Variants in QTMAN observed in about 807,000 individuals in gnomAD.
QTMAN encodes queuosine-tRNA mannosyltransferase.
the QTMAN span, among the ~76,000 whole-genome samples, chr2:144,216,321 G>A: frequency 6.6e-6 from 1 of 152,256 alleles, no homozygotes; most frequent in East Asian, 1.9e-4. Context: ...ATGCAGCTGT[G>A]AAAATCTGAA....
chr2:144,297,852 T>A, the QTMAN span, among the ~76,000 whole-genome samples: 1 of 151,218 alleles, frequency 6.6e-6, no homozygotes, highest in East Asian at 2.0e-4. Context: ...AGTGCTGGGA[T>A]TACAGGTGTG....
chr2:144,178,962 T>C, the QTMAN span: 3 of 469,560 alleles, frequency 6.4e-6, no homozygotes, highest in Admixed American at 4.7e-5. Flanking sequence ...TCTGATTGCC[T>C]GGTAAAAACG....
chr2:144,271,086 T>C, the QTMAN span, among the ~76,000 whole-genome samples: 1 of 152,228 alleles, frequency 6.6e-6, no homozygotes, highest in Admixed American at 6.5e-5. Context: ...ATTAGTTTTT[T>C]CCCCCAGTAA....
the QTMAN span, among the ~76,000 whole-genome samples, chr2:143,979,035 T>C: frequency 6.6e-6 from 1 of 152,326 alleles, no homozygotes; most frequent in Middle Eastern, 3.4e-3. Flanking sequence ...TAGAAAGATG[T>C]ATAATTCTTA....
chr2:143,981,342 T>C, the QTMAN span, among the ~76,000 whole-genome samples: 1 of 152,180 alleles, frequency 6.6e-6, no homozygotes, highest in Non-Finnish European at 1.5e-5. Flanking sequence ...ACCATGTTTT[T>C]TTTTTTCTTA....
the QTMAN span, among the ~76,000 whole-genome samples, chr2:144,231,890 G>C: frequency 7.4e-6 from 1 of 134,694 alleles, no homozygotes; most frequent in Non-Finnish European, 1.6e-5. Flanking sequence ...GTGTGTGTGT[G>C]TGTTATCTTT....
chr2:144,145,926 A>G, the QTMAN span: 1 of 212,488 alleles, frequency 4.7e-6, no homozygotes, highest in Non-Finnish European at 9.3e-6. Flanking sequence ...GCAGCTGCTT[A>G]GAACTATAAA....
chr2:144,246,505 G>A, the QTMAN span, among the ~76,000 whole-genome samples: 1 of 149,180 alleles, frequency 6.7e-6, no homozygotes, highest in Non-Finnish European at 1.5e-5. Flanking sequence ...CCCGGGAAGC[G>A]GAGCTTGCCG....
the QTMAN span, among the ~76,000 whole-genome samples, chr2:144,282,480 CT>C: frequency 4.6e-4 from 69 of 151,250 alleles, no homozygotes; most frequent in Non-Finnish European, 8.4e-4. Flanking sequence ...TTTATATGGG[CT>C]TTTTATTATT....
At chr2:143,960,543 A>C in the QTMAN span, among the ~76,000 whole-genome samples, 2 of 152,100 alleles carry the variant, frequency 1.3e-5, no homozygotes, top group Non-Finnish European at 2.9e-5. Context: ...GGTGAGATAC[A>C]TGGGCTCATC....
At chr2:143,967,261 A>T in the QTMAN span, among the ~76,000 whole-genome samples, 1 of 152,336 alleles carries the variant, frequency 6.6e-6, no homozygotes, top group African/African-American at 2.4e-5. Flanking sequence ...ATTATTTGCA[A>T]GAGAACCATA....
At chr2:144,291,521 T>C in the QTMAN span, among the ~76,000 whole-genome samples, 1 of 152,248 alleles carries the variant, frequency 6.6e-6, no homozygotes, top group African/African-American at 2.4e-5. Context: ...ATGTTTAACC[T>C]GAAGCTAGAA....
chr2:144,202,485 C>T, the QTMAN span, among the ~76,000 whole-genome samples: 2 of 152,254 alleles, frequency 1.3e-5, no homozygotes, highest in African/African-American at 4.8e-5. Context: ...GTAAGAAGTG[C>T]TCTAAAATCA....
At chr2:144,104,240 G>C in the QTMAN span, among the ~76,000 whole-genome samples, 4 of 152,114 alleles carry the variant, frequency 2.6e-5, no homozygotes, top group Non-Finnish European at 4.4e-5. Context: ...CATCTAACTG[G>C]GGCTTGTCGG....
chr2:144,040,981 T>C, the QTMAN span, among the ~76,000 whole-genome samples: 22 of 152,344 alleles, frequency 1.4e-4, no homozygotes, highest in Non-Finnish European at 2.8e-4. Context: ...TTTTAGTATA[T>C]TTTTGGATTT....
the QTMAN span, among the ~76,000 whole-genome samples, chr2:144,089,233 G>A: frequency 6.6e-6 from 1 of 151,822 alleles, no homozygotes; most frequent in Non-Finnish European, 1.5e-5. Flanking sequence ...TCAAGCATCA[G>A]AGGAATGCAA....
At chr2:144,321,520 A>G in the QTMAN span, among the ~76,000 whole-genome samples, 1 of 152,306 alleles carries the variant, frequency 6.6e-6, no homozygotes, top group Admixed American at 6.5e-5. Context: ...CGCAGTCATA[A>G]ATTGTAGATT....
the QTMAN span, among the ~76,000 whole-genome samples, chr2:143,972,355 G>A: frequency 6.6e-6 from 1 of 151,982 alleles, no homozygotes; most frequent in Non-Finnish European, 1.5e-5. Context: ...GGGAAATCTA[G>A]CCATTCAGTT....
chr2:144,133,258 TATATATAAATATATATTTATATATAC>T, the QTMAN span, among the ~76,000 whole-genome samples: 3 of 58,752 alleles, frequency 5.1e-5, no homozygotes, highest in East Asian at 9.1e-4. Flanking sequence ...TATATATAAA[TATATATAAATATATATTTATATATAC>T]ATATATAAAT....
Sources: gnomAD v4.1 joint callset for allele counts (sites outside exome capture counted in the v4.1 genomes callset) on GRCh38, gnomAD v4.1.1 for gene constraint, MANE v1.5 for transcripts, NCBI Gene and HGNC (gene_info 2026-07-23, HGNC 2026-07-21) for gene names.